The following APAF1 variants were observed in gnomAD, a reference collection of about 807,000 sequenced individuals.
APAF1 encodes apoptotic peptidase activating factor 1.
Under a neutral mutation model 152.4 loss-of-function variants are expected in APAF1, and 91 were observed. The ratio of observed to expected loss-of-function variants is 0.60; its 90% CI spans 0.50 to 0.71. The LOEUF is 0.71. Ranked by LOEUF, APAF1 falls within the 30% of genes least tolerant of loss-of-function variation. The probability of loss-of-function intolerance (pLI) is 0.00; values close to 1 mark genes in which losing one functional copy is unlikely to be tolerated. For missense variants in APAF1, 1,283 were observed against 1,472.0 expected, an observed-to-expected ratio of 0.87 and a Z score of 2.10; for synonymous variants, 484 against 494.1, an observed-to-expected ratio of 0.98 and a Z score of 0.27.
intron 1 of APAF1, among the ~76,000 whole-genome samples, chr12:98,647,186 C>T (rs188974492): frequency 8.1e-4 from 121 of 149,596 alleles, no homozygotes; most frequent in Non-Finnish European, 1.0e-3. Flanking sequence ...GAGGCTGTGG[C>T]GGGTGGATCA....
intron 4 of APAF1, among the ~76,000 whole-genome samples, chr12:98,656,104 T>C (rs551947262): frequency 4.9e-4 from 74 of 152,134 alleles, no homozygotes; most frequent in Non-Finnish European, 7.9e-4. Context: ...ATTTTTTGTA[T>C]TTTTTTAGGG....
Position 98,648,641 on chromosome 12 carries a change from A to C in APAF1, c.154A>C (p.Arg52=). ...TTTTTTTTAGCCCACTCAACAGCAA[A>C]GAGCAGCTATGCTGATTAAAATGAT... ...KVRNEPTQQQ[R]AAMLIKMILK... The change falls in exon 3 of 27, where the codon AGA becomes CGA. Residue 52 remains arginine, a synonymous_variant. Transcript: ENST00000551964. 1.2e-6 allele frequency: 2 copies of C among 1,613,778 alleles called. No homozygotes were observed. Among genetic ancestry groups the C allele is most frequent in the Non-Finnish European group, 1.7e-6 (2 of 1,179,950 alleles).
chr12:98,670,373 G>A (rs1436267299), intron 10 of APAF1, among the ~76,000 whole-genome samples: 1 of 151,908 alleles, frequency 6.6e-6, no homozygotes. Flanking sequence ...GTGAATTGTG[G>A]CTCCCATCCT....
At chr12:98,685,415 A>T (rs1038352990) in intron 15 of APAF1, among the ~76,000 whole-genome samples, 1 of 151,084 alleles carries the variant, frequency 6.6e-6, no homozygotes, top group Non-Finnish European at 1.5e-5. Context: ...GGCTCACTGC[A>T]ACCTCTGCCT....
At chr12:98,673,452 A>C (rs1053150704) in intron 12 of APAF1, among the ~76,000 whole-genome samples, 5 of 151,956 alleles carry the variant, frequency 3.3e-5, no homozygotes, top group East Asian at 1.9e-4. Flanking sequence ...CAAAAAAAAA[A>C]AAAACAAAAA....
intron 16 of APAF1, among the ~76,000 whole-genome samples, chr12:98,693,937 C>T (rs1221008413): frequency 1.3e-5 from 2 of 151,972 alleles, no homozygotes; most frequent in Non-Finnish European, 2.9e-5. Context: ...CTGTTTTTCA[C>T]TTGCTGATTT....
In APAF1 at chr12:98,709,591, G is replaced by C. The variant is rs111705125; in HGVS notation, c.2841+887G>C. On this transcript the variant is annotated intron_variant, in intron 20 of 26. Coordinates refer to ENST00000551964, the MANE Select transcript of APAF1 (RefSeq NM_181861.2). Reference sequence around the variant, plus strand: ...TAGATAGTGGCAGCAAGAGAAAGCAGATGCCTCATGGAAGATTAAAACACA... The same window carrying C: ...TAGATAGTGGCAGCAAGAGAAAGCACATGCCTCATGGAAGATTAAAACACA... Among the ~76,000 whole-genome samples, 113 of 152,268 alleles carry C rather than the reference G, an allele frequency of 7.4e-4. 1 individual carries two copies. The highest frequency in any genetic ancestry group is 2.5e-3 in the African/African-American group (106 of 41,570).
At chr12:98,723,850 C>A in intron 24 of APAF1, 86 bp downstream of exon 24, 1 of 1,367,316 alleles carries the variant, frequency 7.3e-7, no homozygotes, top group Non-Finnish European at 1.0e-6. Flanking sequence ...AAGGACATAA[C>A]AGTTGCTCTC....
chr12:98,689,429 TGAGGGTGA>T (rs1474006329), intron 16 of APAF1, among the ~76,000 whole-genome samples: 1 of 132,034 alleles, frequency 7.6e-6, no homozygotes, highest in East Asian at 2.2e-4. Context: ...GCCTTTTGTG[TGAGGGTGA>T]GAGAGAGAGA....
intron 24 of APAF1, among the ~76,000 whole-genome samples, chr12:98,724,320 C>T (rs2097747304): frequency 6.6e-6 from 1 of 151,092 alleles, no homozygotes; most frequent in African/African-American, 2.5e-5. Flanking sequence ...AGCATGCTTT[C>T]CTCCTCCTCC....
At chr12:98,723,438 G>A in intron 23 of APAF1, 126 bp downstream of exon 23, 1 of 1,150,334 alleles carries the variant, frequency 8.7e-7, no homozygotes, top group Non-Finnish European at 1.3e-6. Flanking sequence ...TCTCATGCTT[G>A]TTTTCTGTTA....
chr12:98,684,540 A>T (rs926925564), intron 15 of APAF1, among the ~76,000 whole-genome samples: 1 of 116,334 alleles, frequency 8.6e-6, no homozygotes, highest in African/African-American at 3.4e-5. Flanking sequence ...ATTCCCTTTC[A>T]TCTCTAACCT....
At chr12:98,703,271 C>G in intron 17 of APAF1, 100 bp from the exon 18 acceptor site, 2 of 1,318,252 alleles carry the variant, frequency 1.5e-6, no homozygotes, top group Non-Finnish European at 2.2e-6. Flanking sequence ...CAGTAATTGT[C>G]ATATTTTTTT....
chr12:98,689,174 T>G (rs7977880), intron 16 of APAF1, among the ~76,000 whole-genome samples: 1 of 152,144 alleles, frequency 6.6e-6, no homozygotes, highest in Admixed American at 6.5e-5. Context: ...CGCAGACTCA[T>G]TGGGATGACT....
intron 17 of APAF1, among the ~76,000 whole-genome samples, chr12:98,702,151 C>T (rs1228312644): frequency 5.3e-5 from 8 of 152,152 alleles, no homozygotes; most frequent in South Asian, 4.2e-4. Flanking sequence ...CTGCAAGCTC[C>T]GCCTCCTGGG....
At chr12:98,654,897 TG>T (rs1347943818) in intron 4 of APAF1, among the ~76,000 whole-genome samples, 1 of 127,156 alleles carries the variant, frequency 7.9e-6, no homozygotes, top group African/African-American at 3.0e-5. Flanking sequence ...GGCAGGGTCA[TG>T]GGACAATAGT....
intron 15 of APAF1, among the ~76,000 whole-genome samples, chr12:98,685,923 C>T (rs529989722): frequency 6.4e-4 from 98 of 152,250 alleles, no homozygotes; most frequent in African/African-American, 2.2e-3. Context: ...AGGGGTGAGC[C>T]GCCATGTCCA....
At chr12:98,655,615 T>C (rs2097656298) in intron 4 of APAF1, among the ~76,000 whole-genome samples, 1 of 152,158 alleles carries the variant, frequency 6.6e-6, no homozygotes, top group Non-Finnish European at 1.5e-5. Context: ...ATTCTTAATC[T>C]TTTTATTTTT....
intron 18 of APAF1, 41 bp downstream of exon 18, chr12:98,703,540 A>AT: frequency 6.2e-7 from 1 of 1,613,356 alleles, no homozygotes; most frequent in South Asian, 1.1e-5. Flanking sequence ...GGGTTTCCAG[A>AT]GATCAAAGGA....
Sources: gnomAD v4.1 joint callset for allele counts (sites outside exome capture counted in the v4.1 genomes callset) on GRCh38, gnomAD v4.1.1 for gene constraint, MANE v1.5 for transcripts, NCBI Gene and HGNC (gene_info 2026-07-23, HGNC 2026-07-21) for gene names.